The following RNF121 variants were observed in gnomAD, a reference collection of about 807,000 sequenced individuals.
RNF121 encodes the protein E3 ubiquitin ligase RNF121.
A neutral mutation model predicts 46.5 loss-of-function variants in RNF121; 21 were observed. That is an observed-to-expected ratio of 0.45 (90% CI 0.32 to 0.65). RNF121 has a LOEUF of 0.65. Ranked by LOEUF, RNF121 falls within the 30% of genes least tolerant of loss-of-function variation. The pLI is 0.04. For missense variants in RNF121, 346 were observed against 416.0 expected (o/e 0.83, Z 1.46); for synonymous variants, 139 against 144.7 (o/e 0.96, Z 0.28).
At chr11:71,993,567 T>C (rs535615876) in intron 6 of RNF121, among the ~76,000 whole-genome samples, 1 of 152,332 alleles carries the variant, frequency 6.6e-6, no homozygotes, top group South Asian at 2.1e-4. Flanking sequence ...TTCCATTGTG[T>C]GTGACACCGC....
At chr11:71,962,214 T>C (rs951496666) in intron 3 of RNF121, 2 of 305,674 alleles carry the variant, frequency 6.5e-6, no homozygotes, top group Non-Finnish European at 9.6e-6. Flanking sequence ...GTGATCCGCC[T>C]CGGCCTCCCA....
At chr11:71,988,976 G>C (rs1954818087) in intron 5 of RNF121, among the ~76,000 whole-genome samples, 1 of 152,146 alleles carries the variant, frequency 6.6e-6, no homozygotes, top group African/African-American at 2.4e-5. Flanking sequence ...TCTTGTCAAA[G>C]AAAACAGATA....
rs1293803197 is a variant in RNF121, at chr11:71,994,848, CAT to C, written c.758_759del (p.His253ArgfsTer152). The C allele has an allele frequency of 5.6e-6, 9 of 1,614,064 alleles. No homozygotes were observed. Among genetic ancestry groups the C allele is most frequent in the Non-Finnish European group, 6.8e-6 (8 of 1,180,038 alleles). On this transcript the variant is annotated frameshift_variant and splice_region_variant, in exon 7 of 9. Transcript: ENST00000361756. LOFTEE classifies it high-confidence loss of function. ...GAACACGTATAGGCTGTCCTGCAATCATGTGTATCCTGCCTCGAGCTCCTGGG... is the reference window on the plus strand; with the variant it reads ...GAACACGTATAGGCTGTCCTGCAATCGTGTATCCTGCCTCGAGCTCCTGGG... ...IENTYRLSCN[H>X]VFHEFCIRGW...
At chr11:71,969,848 T>C (rs1004116994) in intron 3 of RNF121, among the ~76,000 whole-genome samples, 1 of 152,208 alleles carries the variant, frequency 6.6e-6, no homozygotes, top group Admixed American at 6.5e-5. Context: ...ATTACAGGCA[T>C]GAGCCACCGT....
chr11:71,979,020 T>C (rs1954591969), intron 3 of RNF121, among the ~76,000 whole-genome samples: 1 of 152,228 alleles, frequency 6.6e-6, no homozygotes, highest in Non-Finnish European at 1.5e-5. Flanking sequence ...AATTAGGGTT[T>C]GATTTAGATC....
At chr11:71,929,426 C>G (rs546466407) in intron 1 of RNF121, among the ~76,000 whole-genome samples, 1 of 151,658 alleles carries the variant, frequency 6.6e-6, no homozygotes, top group South Asian at 2.1e-4. Flanking sequence ...AGGGTAGGAC[C>G]GAAGGGCTAA....
chr11:71,947,901 A>G (rs1953763019), intron 1 of RNF121, among the ~76,000 whole-genome samples: 2 of 152,216 alleles, frequency 1.3e-5, no homozygotes, highest in African/African-American at 4.8e-5. Flanking sequence ...CTAAGGCACT[A>G]TGGCAATGAA....
At position 71,996,376 on chromosome 11, in the gene RNF121, C is replaced by A; in HGVS notation, c.*61C>A. Reference sequence around the variant, plus strand: ...GCCATGGACCTCAGGGCACTCTCCTCCCTGCCCACAAAGACCTCCTGGGTG... The same window carrying A: ...GCCATGGACCTCAGGGCACTCTCCTACCTGCCCACAAAGACCTCCTGGGTG... On this transcript the variant is annotated 3_prime_UTR_variant, in exon 9 of 9. Transcript: ENST00000361756. 1 of 1,587,778 alleles carries A rather than the reference C, an allele frequency of 6.3e-7. No homozygotes were observed. The highest frequency in any genetic ancestry group is 8.6e-7 in the Non-Finnish European group (1 of 1,164,618).
intron 1 of RNF121, among the ~76,000 whole-genome samples, chr11:71,954,141 G>A (rs910408221): frequency 6.6e-6 from 1 of 152,178 alleles, no homozygotes; most frequent in Non-Finnish European, 1.5e-5. Context: ...CCTTCAGACT[G>A]AGTTAATGCT....
At chr11:71,965,826 A>C (rs1954264106) in intron 3 of RNF121, among the ~76,000 whole-genome samples, 4 of 152,352 alleles carry the variant, frequency 2.6e-5, no homozygotes, top group Admixed American at 2.0e-4. Flanking sequence ...CACAGATTTA[A>C]CAGAGCTGTT....
chr11:71,963,287 G>A (rs190931905), intron 3 of RNF121, among the ~76,000 whole-genome samples: 2 of 152,176 alleles, frequency 1.3e-5, no homozygotes, highest in Non-Finnish European at 2.9e-5. Flanking sequence ...CCATTGCCAA[G>A]TCCAAGGTCA....
rs187492310 is a variant in RNF121, at chr11:71,964,822, G to A, written c.243+3931G>A. 1.2e-3 allele frequency among the ~76,000 whole-genome samples: 187 copies of A among 152,296 alleles called. 1 individual carries two copies. The highest frequency in any genetic ancestry group is 7.8e-3 in the Admixed American group (119 of 15,296). On this transcript the variant is annotated intron_variant, in intron 3 of 8. Coordinates refer to ENST00000361756, the MANE Select transcript of RNF121 (RefSeq NM_018320.5). ...TACAAGTTAGCAACCTGTCAGGAAT[G>A]TTGTGGAGGGGATGTTTGTGATTTT... is the stretch of plus-strand genomic sequence containing the variant.
intron 2 of RNF121, among the ~76,000 whole-genome samples, chr11:71,957,670 C>T (rs1023097031): frequency 6.6e-6 from 1 of 152,098 alleles, no homozygotes; most frequent in Admixed American, 6.5e-5. Flanking sequence ...TAAGTGTTAA[C>T]TGCTTTGAAG....
intron 1 of RNF121, among the ~76,000 whole-genome samples, chr11:71,951,246 C>T (rs1382091622): frequency 4.0e-5 from 6 of 150,550 alleles, no homozygotes; most frequent in Admixed American, 2.6e-4. Flanking sequence ...GTCGTCTAAG[C>T]CAACTCTCTC....
intron 1 of RNF121, among the ~76,000 whole-genome samples, chr11:71,934,013 T>G (rs76706957): frequency 0.032 from 4,914 of 152,324 alleles, 76 homozygotes; most frequent in East Asian, 0.078. Context: ...TCTAATTACT[T>G]CCGGGCTTTG....
At chr11:71,986,776 A>G (rs1009276427) in intron 4 of RNF121, among the ~76,000 whole-genome samples, 4 of 151,294 alleles carry the variant, frequency 2.6e-5, no homozygotes, top group Non-Finnish European at 5.9e-5. Flanking sequence ...TCTCAAAAAA[A>G]AAAAAAAAAA....
chr11:71,985,941 CAAAA>C (rs201859304), intron 4 of RNF121, among the ~76,000 whole-genome samples: 3 of 148,848 alleles, frequency 2.0e-5, no homozygotes, highest in Non-Finnish European at 4.5e-5. Context: ...CAAAAAAAAA[CAAAA>C]AAAAAGGCCC....
chr11:71,952,741 G>A (rs1953911646), intron 1 of RNF121, among the ~76,000 whole-genome samples: 2 of 152,170 alleles, frequency 1.3e-5, no homozygotes, highest in African/African-American at 2.4e-5. Context: ...CCTGGAAGGC[G>A]GAGGTTGAGT....
intron 1 of RNF121, among the ~76,000 whole-genome samples, chr11:71,935,887 G>C (rs1388640194): frequency 9.4e-6 from 1 of 105,950 alleles, no homozygotes; most frequent in African/African-American, 3.7e-5. Context: ...TGTCTCTGTT[G>C]TCCAGGCTAG....
Sources: gnomAD v4.1 joint callset for allele counts (sites outside exome capture counted in the v4.1 genomes callset) on GRCh38, gnomAD v4.1.1 for gene constraint, MANE v1.5 for transcripts, NCBI Gene and HGNC (gene_info 2026-07-23, HGNC 2026-07-21) for gene names.